The following DNAJC24 variants were observed in gnomAD, a reference collection of about 807,000 sequenced individuals.
The protein encoded by DNAJC24 is DnaJ heat shock protein family (Hsp40) member C24, also known as dnaJ homolog subfamily C member 24.
Under a neutral mutation model 18.0 loss-of-function variants are expected in DNAJC24, and 17 were observed. The ratio of observed to expected loss-of-function variants is 0.94; its 90% CI spans 0.65 to 1.42. The LOEUF is 1.42. DNAJC24 is among the 40% of genes most tolerant of loss of function. The pLI is 0.00. For missense variants in DNAJC24, 158 were observed against 175.6 expected (o/e 0.90, Z 0.57); for synonymous variants, 55 against 57.7 (o/e 0.95, Z 0.21).
rs762878850 is a variant in DNAJC24, at chr11:31,426,327, A to G, written c.291A>G (p.Val97=). The G allele has an allele frequency of 6.4e-7, 1 of 1,569,912 alleles. No individual in the cohort carries two copies. Among genetic ancestry groups the G allele is most frequent in the Non-Finnish European group, 8.6e-7 (1 of 1,160,600 alleles). Residue 97 remains valine, a synonymous_variant, in exon 4 of 5, where the codon GTA becomes GTG. Coordinates refer to ENST00000465995, the MANE Select transcript of DNAJC24 (RefSeq NM_181706.5). ...ATGTAGGACCAGTAGATGCTCAAGT[A>G]TATCTTGAAGAAATGTCTTGGAATG... ...LRNVGPVDAQ[V]YLEEMSWNEG...
intron 2 of DNAJC24, among the ~76,000 whole-genome samples, chr11:31,404,214 A>G (rs1277529883): frequency 6.6e-6 from 1 of 152,016 alleles, no homozygotes. Context: ...CTCCTATCTC[A>G]TCCTGTGACT....
intron 4 of DNAJC24, among the ~76,000 whole-genome samples, chr11:31,429,062 T>A (rs961317156): frequency 5.9e-5 from 9 of 152,100 alleles, no homozygotes; most frequent in Non-Finnish European, 1.5e-5. Context: ...AATAAAAAAA[T>A]TCATTTTCAG....
At chr11:31,390,960 C>G (rs565816056) in intron 2 of DNAJC24, among the ~76,000 whole-genome samples, 2 of 152,050 alleles carry the variant, frequency 1.3e-5, no homozygotes, top group Non-Finnish European at 2.9e-5. Flanking sequence ...ACGTAAAAGT[C>G]CTCAACAGAA....
At chr11:31,416,413 T>C (rs758201418) in intron 3 of DNAJC24, 6 of 152,196 alleles carry the variant, frequency 3.9e-5, no homozygotes, top group Non-Finnish European at 7.4e-5. Flanking sequence ...TGCACATGAA[T>C]GTGTTGTGTG....
intron 2 of DNAJC24, among the ~76,000 whole-genome samples, chr11:31,387,104 C>G (rs1952437438): frequency 6.6e-6 from 1 of 152,172 alleles, no homozygotes; most frequent in South Asian, 2.1e-4. Context: ...CAGATAGACT[C>G]CTACGATTCC....
At chr11:31,372,686 G>T (rs59176654) in intron 2 of DNAJC24, among the ~76,000 whole-genome samples, 1 of 135,544 alleles carries the variant, frequency 7.4e-6, no homozygotes, top group African/African-American at 2.5e-5. Context: ...TCACATATGC[G>T]CTAACAATGT....
intron 3 of DNAJC24, among the ~76,000 whole-genome samples, chr11:31,425,065 C>T (rs1952847970): frequency 6.6e-6 from 1 of 151,970 alleles, no homozygotes; most frequent in Non-Finnish European, 1.5e-5. Flanking sequence ...AAATGCTTCC[C>T]ATCTTTGATT....
At chr11:31,420,769 T>C (rs753636658) in intron 3 of DNAJC24, among the ~76,000 whole-genome samples, 1 of 152,146 alleles carries the variant, frequency 6.6e-6, no homozygotes, top group Non-Finnish European at 1.5e-5. Flanking sequence ...TTCAAAGCCA[T>C]TTTTTCTCAA....
intron 2 of DNAJC24, among the ~76,000 whole-genome samples, chr11:31,399,478 G>A (rs182145219): frequency 7.9e-4 from 117 of 147,268 alleles, no homozygotes; most frequent in Non-Finnish European, 1.3e-3. Context: ...ACAGTGGCAC[G>A]ATCTCAGCTC....
At chr11:31,404,107 C>T (rs925511563) in intron 2 of DNAJC24, among the ~76,000 whole-genome samples, 28 of 152,170 alleles carry the variant, frequency 1.8e-4, no homozygotes, top group African/African-American at 6.0e-4. Flanking sequence ...CCAGAGGTCA[C>T]TCTCGTGGCC....
chr11:31,426,061 G>C lies in DNAJC24; in HGVS notation c.251-226G>C, dbSNP rs1564959183. 2.6e-5 allele frequency among the ~76,000 whole-genome samples: 4 copies of C among 152,078 alleles called. No homozygotes were observed. The South Asian group carries it at 6.2e-4, about 24-fold the overall frequency. ...CATGTTGCATGATTGTGAAAAACGGGATTGATTTTGACAAAAAATTTATAA... is the reference window on the plus strand; with the variant it reads ...CATGTTGCATGATTGTGAAAAACGGCATTGATTTTGACAAAAAATTTATAA... On this transcript the variant is annotated intron_variant, in intron 3 of 4. Transcript: ENST00000465995.
intron 3 of DNAJC24, among the ~76,000 whole-genome samples, chr11:31,425,878 G>A (rs531831441): frequency 1.3e-5 from 2 of 152,200 alleles, no homozygotes; most frequent in East Asian, 3.9e-4. Flanking sequence ...TTATAACTAA[G>A]GTTCAGATAG....
intron 2 of DNAJC24, chr11:31,408,139 T>C (rs1343836085): frequency 2.2e-6 from 1 of 456,246 alleles, no homozygotes; most frequent in South Asian, 1.5e-5. Flanking sequence ...CTCTTTTTGG[T>C]GTACATACTT....
intron 2 of DNAJC24, among the ~76,000 whole-genome samples, chr11:31,384,090 G>A (rs7127544): frequency 0.02 from 3,002 of 152,154 alleles, 84 homozygotes; most frequent in African/African-American, 0.068. Context: ...GTTTTATAAT[G>A]TATTTCATCT....
At chr11:31,401,920 A>T (rs1378575175) in intron 2 of DNAJC24, among the ~76,000 whole-genome samples, 1 of 152,174 alleles carries the variant, frequency 6.6e-6, no homozygotes, top group Non-Finnish European at 1.5e-5. Flanking sequence ...ATTCACAAAG[A>T]TTCCATAGCA....
Position 31,373,072 on chromosome 11 carries a change from A to T in DNAJC24, c.111+2213A>T, listed in dbSNP as rs1249780971. On this transcript the variant is annotated intron_variant, in intron 2 of 4. Coordinates refer to ENST00000465995, the MANE Select transcript of DNAJC24 (RefSeq NM_181706.5). ...TTTCTTTTATGAAGTGTTTTTTTTT[A>T]AATTAAATATATTCTTGATTCTGTA... Among the ~76,000 whole-genome samples the T allele has an allele frequency of 2.4e-4, 32 of 133,820 alleles. 4 individuals carry two copies. The highest frequency in any genetic ancestry group is 6.7e-4 in the African/African-American group (27 of 40,090). The allele number at this position is 133,820 out of a possible 152,430, so 87.8% of individuals were successfully genotyped here. A position where few individuals can be genotyped will look rare whatever the true frequency, so the allele number is the denominator to read the frequency against.
At chr11:31,387,909 A>T (rs1027225783) in intron 2 of DNAJC24, among the ~76,000 whole-genome samples, 6 of 152,176 alleles carry the variant, frequency 3.9e-5, no homozygotes, top group South Asian at 2.1e-4. Context: ...TAACAGAAAG[A>T]TGGAAATAAT....
intron 2 of DNAJC24, among the ~76,000 whole-genome samples, chr11:31,394,444 G>A (rs1459056089): frequency 3.9e-5 from 6 of 152,084 alleles, no homozygotes; most frequent in African/African-American, 2.4e-5. Flanking sequence ...ATTTGCAAAT[G>A]TGGAATCCGT....
chr11:31,401,023 A>C (rs12293931), intron 2 of DNAJC24, among the ~76,000 whole-genome samples: 15,027 of 152,248 alleles, frequency 0.099, 2,067 homozygotes, highest in African/African-American at 0.31. Context: ...AACATCAATA[A>C]ATTTACAAGA....
Sources: allele counts gnomAD v4.1 joint callset (sites outside exome capture counted in the v4.1 genomes callset), GRCh38; gene constraint gnomAD v4.1.1; transcripts MANE v1.5; gene names NCBI Gene and HGNC (gene_info 2026-07-23, HGNC 2026-07-21).